CTNNA2: variants seen among roughly 807,000 people sequenced by gnomAD.
The protein encoded by CTNNA2 is catenin alpha 2.
Under a neutral mutation model 101.0 loss-of-function variants are expected in CTNNA2, and 42 were observed. That is an observed-to-expected ratio of 0.42 (90% CI 0.32 to 0.54). CTNNA2 has a LOEUF of 0.54. Among genes scored for constraint, CTNNA2 ranks in the 20% least tolerant of loss-of-function variants. CTNNA2 has a pLI of 0.14. For synonymous variants in CTNNA2, 450 were observed against 456.4 expected (o/e 0.99, Z 0.18); for missense variants, 871 against 1,223.1 (o/e 0.71, Z 4.29).
At chr2:79,200,198 A>G (rs1674016589) in intron 2 of CTNNA2, among the ~76,000 whole-genome samples, 1 of 152,164 alleles carries the variant, frequency 6.6e-6, no homozygotes, top group Non-Finnish European at 1.5e-5. Flanking sequence ...AGCCTGGCCA[A>G]TATGGTGAAA....
In CTNNA2 at chr2:79,375,424, A is replaced by G. The variant is rs146092936; in HGVS notation, c.-135+1411A>G. Among the ~76,000 whole-genome samples the G allele has an allele frequency of 3.6e-3, 549 of 152,236 alleles. 4 individuals are homozygous for G. Among genetic ancestry groups the G allele is most frequent in the African/African-American group, 0.012 (507 of 41,536 alleles). ...AGCTTTTCGCCATCGTTCCTTCTTT[A>G]TTCTGCCATGTAATTTAGAAGAAAG... On this transcript the variant is annotated intron_variant, in intron 4 of 21. Coordinates refer to the CTNNA2 transcript ENST00000466387.
At chr2:79,236,736 A>G (rs1674562883) in intron 2 of CTNNA2, among the ~76,000 whole-genome samples, 1 of 152,232 alleles carries the variant, frequency 6.6e-6, no homozygotes, top group Non-Finnish European at 1.5e-5. Context: ...ATGCTGTTGT[A>G]GATTCAAATG....
chr2:79,504,463 T>C (rs1671369409), intron 4 of CTNNA2, among the ~76,000 whole-genome samples: 1 of 152,146 alleles, frequency 6.6e-6, no homozygotes, highest in South Asian at 2.1e-4. Flanking sequence ...TTAATTTTTG[T>C]ATTTTTAGTA....
intron 7 of CTNNA2, among the ~76,000 whole-genome samples, chr2:79,954,132 G>C (rs1411651821): frequency 1.3e-5 from 2 of 152,142 alleles, no homozygotes; most frequent in African/African-American, 4.8e-5. Flanking sequence ...AGAGAAGTGA[G>C]TGAGGACACA....
chr2:80,091,178 A>G (rs954700055), intron 7 of CTNNA2, among the ~76,000 whole-genome samples: 1 of 152,122 alleles, frequency 6.6e-6, no homozygotes, highest in Admixed American at 6.5e-5. Context: ...TGAAGGATTC[A>G]GCATCTAATG....
At chr2:79,761,970 C>T (rs940295010) in intron 3 of CTNNA2, among the ~76,000 whole-genome samples, 2 of 152,132 alleles carry the variant, frequency 1.3e-5, no homozygotes, top group African/African-American at 2.4e-5. Context: ...GAATAACAAG[C>T]ACTTGCTCTT....
intron 4 of CTNNA2, among the ~76,000 whole-genome samples, chr2:79,471,705 G>A (rs1460620055): frequency 1.3e-5 from 2 of 152,088 alleles, no homozygotes; most frequent in East Asian, 3.9e-4. Context: ...GGGCATGGTG[G>A]TGGGTGCCTG....
chr2:80,604,394 C>A (rs1383496337), intron 16 of CTNNA2, among the ~76,000 whole-genome samples: 1 of 151,896 alleles, frequency 6.6e-6, no homozygotes, highest in East Asian at 1.9e-4. Flanking sequence ...GGCTTCTGAC[C>A]AAAATTCCTT....
intron 1 of CTNNA2, among the ~76,000 whole-genome samples, chr2:79,572,724 C>T (rs932531101): frequency 2.0e-5 from 3 of 152,078 alleles, no homozygotes; most frequent in Non-Finnish European, 2.9e-5. Flanking sequence ...TGCATTCCAG[C>T]GTGGGTGACA....
intron 1 of CTNNA2, among the ~76,000 whole-genome samples, chr2:79,526,658 C>T (rs1470811550): frequency 2.6e-5 from 4 of 151,856 alleles, no homozygotes; most frequent in East Asian, 1.9e-4. Context: ...TTGAGCATTC[C>T]GAAATAAACC....
intron 8 of CTNNA2, among the ~76,000 whole-genome samples, chr2:80,412,288 C>T (rs1388829262): frequency 6.6e-6 from 1 of 152,240 alleles, no homozygotes; most frequent in Non-Finnish European, 1.5e-5. Flanking sequence ...CTGTTACTGT[C>T]CTTCAGGAAA....
chr2:79,629,842 A>C (rs1276610805), intron 1 of CTNNA2, among the ~76,000 whole-genome samples: 1 of 151,990 alleles, frequency 6.6e-6, no homozygotes, highest in Non-Finnish European at 1.5e-5. Flanking sequence ...GAACCTGGAG[A>C]GGCTGTCCCT....
At chr2:79,940,818 T>C (rs1187411779) in intron 7 of CTNNA2, among the ~76,000 whole-genome samples, 2 of 152,204 alleles carry the variant, frequency 1.3e-5, no homozygotes, top group Non-Finnish European at 2.9e-5. Flanking sequence ...AAATGTTAAA[T>C]ATCTCATGTA....
chr2:80,521,653 G>A (rs1689560858), intron 9 of CTNNA2, among the ~76,000 whole-genome samples: 1 of 152,120 alleles, frequency 6.6e-6, no homozygotes, highest in Non-Finnish European at 1.5e-5. Context: ...AAAGGAGCTA[G>A]GAGCCAATGG....
At chr2:79,466,005 G>A (rs977703009) in intron 4 of CTNNA2, among the ~76,000 whole-genome samples, 1 of 152,176 alleles carries the variant, frequency 6.6e-6, no homozygotes, top group Admixed American at 6.5e-5. Flanking sequence ...AAGGTACTGG[G>A]TTCATCTCAC....
At position 80,257,028 on chromosome 2, in the gene CTNNA2, T is replaced by G. The variant is rs555319773; in HGVS notation, c.1057-136183T>G. On this transcript the variant is annotated intron_variant, in intron 7 of 18. Transcript: ENST00000402739. ...CGTATCTGTGAATATGACCCAGTGT[T>G]TCCTCTTTAGTTAAAATCGACGTAT... Among the ~76,000 whole-genome samples, 7 of 152,250 alleles carry G rather than the reference T, an allele frequency of 4.6e-5. No individual in the cohort carries two copies. In the South Asian group the frequency reaches 8.3e-4, roughly 18 times the overall value.
intron 1 of CTNNA2, among the ~76,000 whole-genome samples, chr2:79,648,174 G>A (rs72822518): frequency 0.024 from 3,605 of 152,252 alleles, 57 homozygotes; most frequent in Non-Finnish European, 0.032. Flanking sequence ...TGAATGTACA[G>A]GCGGGATGAC....
chr2:79,920,213 A>G (rs1324716684), intron 7 of CTNNA2, among the ~76,000 whole-genome samples: 2 of 152,176 alleles, frequency 1.3e-5, no homozygotes, highest in East Asian at 1.9e-4. Context: ...GTGAAACTCC[A>G]TCTCAAAAAA....
At chr2:79,829,052 T>C (rs1678664315) in intron 3 of CTNNA2, among the ~76,000 whole-genome samples, 1 of 152,144 alleles carries the variant, frequency 6.6e-6, no homozygotes. Flanking sequence ...CCCACTCTTA[T>C]GAGTTATTTA....
Sources: gnomAD v4.1 joint callset for allele counts (sites outside exome capture counted in the v4.1 genomes callset) on GRCh38, gnomAD v4.1.1 for gene constraint, MANE v1.5 for transcripts, NCBI Gene and HGNC (gene_info 2026-07-23, HGNC 2026-07-21) for gene names.